The following SORCS1 variants were observed in gnomAD, a reference collection of about 807,000 sequenced individuals.
SORCS1 encodes the protein VPS10 domain-containing receptor SorCS1.
Under a neutral mutation model 146.1 loss-of-function variants are expected in SORCS1, and 60 were observed. The ratio of observed to expected loss-of-function variants is 0.41; its 90% confidence interval spans 0.33 to 0.51. The LOEUF (loss-of-function observed/expected upper bound fraction) is 0.51. Ranked by LOEUF, SORCS1 falls within the 20% of genes least tolerant of loss-of-function variation. SORCS1 has a pLI of 0.21. For synonymous variants in SORCS1, 637 were observed against 584.0 expected (o/e 1.09, Z -1.31); for missense variants, 1,352 against 1,487.6 (o/e 0.91, Z 1.50).
At chr10:107,112,709 A>C (rs1965774024) in intron 1 of SORCS1, among the ~76,000 whole-genome samples, 1 of 152,222 alleles carries the variant, frequency 6.6e-6, no homozygotes, top group African/African-American at 2.4e-5. Flanking sequence ...GAAAAATGGC[A>C]ACCAAAAGAG....
intron 6 of SORCS1, among the ~76,000 whole-genome samples, chr10:106,710,723 C>A (rs1032124388): frequency 6.6e-6 from 1 of 152,132 alleles, no homozygotes; most frequent in Non-Finnish European, 1.5e-5. Context: ...AATTCAAACT[C>A]TCCACCACCC....
At chr10:107,178,561 C>T in the SORCS1 span, among the ~76,000 whole-genome samples, 3 of 151,516 alleles carry the variant, frequency 2.0e-5, no homozygotes, top group East Asian at 1.9e-4. Flanking sequence ...CCCAGTGGTA[C>T]GATTTAGGCT....
chr10:106,644,770 A>G (rs1411780632), intron 18 of SORCS1, among the ~76,000 whole-genome samples: 1 of 152,224 alleles, frequency 6.6e-6, no homozygotes, highest in Non-Finnish European at 1.5e-5. Flanking sequence ...AATGGATATG[A>G]CATTTATCCA....
chr10:106,997,810 A>C (rs1957062236), intron 1 of SORCS1, among the ~76,000 whole-genome samples: 1 of 152,166 alleles, frequency 6.6e-6, no homozygotes, highest in African/African-American at 2.4e-5. Flanking sequence ...CTTCTCTCCA[A>C]CACACTAAGT....
chr10:106,901,912 C>G (rs990724493), intron 2 of SORCS1, among the ~76,000 whole-genome samples: 4 of 151,870 alleles, frequency 2.6e-5, no homozygotes, highest in Non-Finnish European at 4.4e-5. Flanking sequence ...GGCATGGTGG[C>G]GGGCACCTGT....
chr10:106,913,601 GTTA>G (rs1307505607), intron 2 of SORCS1, among the ~76,000 whole-genome samples: 1 of 152,302 alleles, frequency 6.6e-6, no homozygotes, highest in East Asian at 1.9e-4. Context: ...TGGTGAGGAG[GTTA>G]TTATGGCATG....
chr10:106,797,690 T>C (rs1329715739), intron 3 of SORCS1, among the ~76,000 whole-genome samples: 2 of 152,152 alleles, frequency 1.3e-5, no homozygotes, highest in Non-Finnish European at 2.9e-5. Flanking sequence ...ATCATCTCCA[T>C]GTCTATACCA....
intron 2 of SORCS1, among the ~76,000 whole-genome samples, chr10:106,931,477 G>A (rs1300384235): frequency 6.6e-6 from 1 of 152,138 alleles, no homozygotes; most frequent in Non-Finnish European, 1.5e-5. Flanking sequence ...TGGTAATAAG[G>A]ACAGGAAACT....
intron 1 of SORCS1, among the ~76,000 whole-genome samples, chr10:107,058,396 A>G (rs1960857195): frequency 2.0e-5 from 3 of 152,202 alleles, no homozygotes; most frequent in Admixed American, 1.3e-4. Flanking sequence ...GTTAATACAC[A>G]TTCTGGCTAA....
chr10:106,779,196 T>C (rs1015335224), intron 3 of SORCS1, among the ~76,000 whole-genome samples: 8 of 152,192 alleles, frequency 5.3e-5, no homozygotes, highest in African/African-American at 1.7e-4. Flanking sequence ...ATCTGAGAAT[T>C]TGACATTTTG....
intron 5 of SORCS1, among the ~76,000 whole-genome samples, chr10:106,740,561 A>G (rs949046739): frequency 2.0e-5 from 3 of 152,218 alleles, no homozygotes; most frequent in Non-Finnish European, 4.4e-5. Context: ...GGTGATGCTC[A>G]TAACATTTCT....
At chr10:107,077,465 T>C (rs1214093102) in intron 1 of SORCS1, among the ~76,000 whole-genome samples, 2 of 152,124 alleles carry the variant, frequency 1.3e-5, no homozygotes, top group East Asian at 3.9e-4. Context: ...TTCTGTGTTT[T>C]TTTTTTAGAT....
intron 1 of SORCS1, among the ~76,000 whole-genome samples, chr10:107,077,854 G>A (rs1002047008): frequency 2.6e-5 from 4 of 152,106 alleles, no homozygotes; most frequent in Non-Finnish European, 4.4e-5. Context: ...ATGGTAATTA[G>A]AAAAGAAGGG....
At chr10:106,892,895 C>CCTTT (rs938705099) in intron 2 of SORCS1, among the ~76,000 whole-genome samples, 1 of 137,206 alleles carries the variant, frequency 7.3e-6, no homozygotes. Flanking sequence ...TTGGAAAGCC[C>CCTTT]TTTTTTTTTT....
chr10:106,654,911 C>T (rs952517726), intron 17 of SORCS1, among the ~76,000 whole-genome samples: 4 of 151,916 alleles, frequency 2.6e-5, no homozygotes, highest in Non-Finnish European at 5.9e-5. Flanking sequence ...ACTTGGCTCA[C>T]TGCGGCTTTA....
chr10:106,900,904 C>T (rs560024063), intron 2 of SORCS1, among the ~76,000 whole-genome samples: 1 of 152,282 alleles, frequency 6.6e-6, no homozygotes, highest in Admixed American at 6.5e-5. Context: ...TAGAGCATGT[C>T]ATTGAAAGGA....
At chr10:106,916,671 T>C (rs1230961081) in intron 2 of SORCS1, among the ~76,000 whole-genome samples, 1 of 150,344 alleles carries the variant, frequency 6.7e-6, no homozygotes, top group Non-Finnish European at 1.5e-5. Context: ...TATATAAATA[T>C]ATATATATTT....
chr10:106,579,938 A>T (rs1376280339), intron 24 of SORCS1, among the ~76,000 whole-genome samples: 2 of 151,812 alleles, frequency 1.3e-5, no homozygotes, highest in Non-Finnish European at 1.5e-5. Flanking sequence ...TAGTATTATT[A>T]ATCAATATTT....
chr10:107,120,337 T>C (rs1231417574), intron 1 of SORCS1, among the ~76,000 whole-genome samples: 3 of 152,220 alleles, frequency 2.0e-5, no homozygotes, highest in Non-Finnish European at 1.5e-5. Context: ...ATTTGCTGAA[T>C]GAATAAATAA....
Sources: allele counts gnomAD v4.1 joint callset (sites outside exome capture counted in the v4.1 genomes callset), GRCh38; gene constraint gnomAD v4.1.1; transcripts MANE v1.5; gene names NCBI Gene and HGNC (gene_info 2026-07-23, HGNC 2026-07-21).